The following CCDC7 variants were observed in gnomAD, a reference collection of about 807,000 sequenced individuals.
The protein encoded by CCDC7 is coiled-coil domain containing 7.
CCDC7 carries 183 observed loss-of-function variants against 196.9 expected under a neutral mutation model. The observed-to-expected ratio is 0.93, with a 90% CI of 0.82 to 1.05. CCDC7 has a LOEUF of 1.05. CCDC7 is among the 50% of genes least tolerant of loss of function. The probability of loss-of-function intolerance (pLI) is 0.00; values close to 1 mark genes in which losing one functional copy is unlikely to be tolerated. For synonymous variants in CCDC7, 525 were observed against 484.6 expected (o/e 1.08, Z -1.10); for missense variants, 1,540 against 1,482.2 (o/e 1.04, Z -0.64).
intron 9 of CCDC7, among the ~76,000 whole-genome samples, chr10:32,506,222 G>A (rs1312324452): frequency 6.7e-6 from 1 of 149,982 alleles, no homozygotes; most frequent in African/African-American, 2.5e-5. Context: ...CCCAGACGGG[G>A]TGGCCGGGCA....
At chr10:32,653,133 C>T (rs1564976431) in intron 20 of CCDC7, among the ~76,000 whole-genome samples, 2 of 152,182 alleles carry the variant, frequency 1.3e-5, no homozygotes, top group African/African-American at 4.8e-5. Context: ...TTACTTCCCC[C>T]TAACCTGTAA....
At chr10:32,817,572 A>C (rs904826481) in intron 31 of CCDC7, among the ~76,000 whole-genome samples, 1 of 152,238 alleles carries the variant, frequency 6.6e-6, no homozygotes, top group Admixed American at 6.5e-5. Flanking sequence ...AAAAAATGTT[A>C]AGGGCAGCCA....
At chr10:32,642,574 G>A (rs549892441) in intron 20 of CCDC7, among the ~76,000 whole-genome samples, 7 of 152,294 alleles carry the variant, frequency 4.6e-5, no homozygotes, top group Admixed American at 2.6e-4. Flanking sequence ...CTTTGACTAG[G>A]AAAAGGAATT....
At chr10:32,669,434 T>G (rs1490347562) in intron 21 of CCDC7, among the ~76,000 whole-genome samples, 1 of 152,142 alleles carries the variant, frequency 6.6e-6, no homozygotes, top group Non-Finnish European at 1.5e-5. Context: ...TCTTCTATTT[T>G]TTTGAAACAT....
intron 8 of CCDC7, among the ~76,000 whole-genome samples, chr10:32,486,488 C>G (rs1008604138): frequency 2.1e-4 from 31 of 147,296 alleles, no homozygotes; most frequent in African/African-American, 7.3e-4. Context: ...GAGCATTTAG[C>G]CCATTTACAT....
chr10:32,768,899 G>A (rs1379651921), intron 28 of CCDC7, among the ~76,000 whole-genome samples: 1 of 152,086 alleles, frequency 6.6e-6, no homozygotes, highest in Non-Finnish European at 1.5e-5. Context: ...TTTTTGATGT[G>A]CTATTGGATT....
intron 24 of CCDC7, among the ~76,000 whole-genome samples, chr10:32,710,226 A>C (rs987926076): frequency 6.6e-6 from 1 of 152,168 alleles, no homozygotes; most frequent in African/African-American, 2.4e-5. Flanking sequence ...ATGCCTCTAA[A>C]TTCTCCTAGA....
rs1306072473 is a variant in CCDC7 at position 32,451,926 on chromosome 10, G to T, written c.279+5G>T. On this transcript the variant is annotated splice_donor_5th_base_variant and intron_variant, in intron 1 of 41. Transcript: ENST00000639629. ...ATTATCAAACATCTGAAGATGGTAA[G>T]AGGCTTGTTAGTTTCTGTGTTGCAG... 2.5e-6 allele frequency: 4 copies of T among 1,607,358 alleles called. No individual in the cohort carries two copies. Among genetic ancestry groups the T allele is most frequent in the South Asian group, 1.1e-5 (1 of 89,846 alleles).
chr10:32,558,950 G>A (rs1200620339), intron 13 of CCDC7, among the ~76,000 whole-genome samples: 2 of 152,214 alleles, frequency 1.3e-5, no homozygotes, highest in African/African-American at 4.8e-5. Flanking sequence ...CTGGAAATCA[G>A]GTCACTCCCG....
chr10:32,784,405 G>T (rs1424950335), intron 29 of CCDC7, among the ~76,000 whole-genome samples: 5 of 152,028 alleles, frequency 3.3e-5, no homozygotes, highest in Non-Finnish European at 5.9e-5. Context: ...AGACCCCAGT[G>T]TGTGTTGTTC....
intron 24 of CCDC7, among the ~76,000 whole-genome samples, chr10:32,697,806 G>A (rs568237442): frequency 6.6e-6 from 1 of 152,300 alleles, no homozygotes; most frequent in South Asian, 2.1e-4. Flanking sequence ...CTGTCTGACA[G>A]CTTTGAAGAC....
intron 41 of CCDC7, among the ~76,000 whole-genome samples, chr10:32,871,231 G>T (rs1248330609): frequency 6.6e-6 from 1 of 152,008 alleles, no homozygotes; most frequent in Non-Finnish European, 1.5e-5. Context: ...ATCGGGTCCT[G>T]GACTTTTTTT....
chr10:32,683,289 G>T (rs561340682), intron 21 of CCDC7, among the ~76,000 whole-genome samples: 12 of 152,278 alleles, frequency 7.9e-5, no homozygotes, highest in African/African-American at 1.2e-4. Flanking sequence ...CTTTGTCGAA[G>T]ATCAGATGGT....
intron 25 of CCDC7, chr10:32,725,225 T>C (rs895093953): frequency 2.1e-5 from 9 of 418,790 alleles, no homozygotes; most frequent in Non-Finnish European, 3.8e-5. Context: ...GAATCCTTTC[T>C]CTCGAAGCAC....
At chr10:32,704,829 C>G (rs1021421875) in intron 24 of CCDC7, among the ~76,000 whole-genome samples, 4 of 152,170 alleles carry the variant, frequency 2.6e-5, no homozygotes, top group African/African-American at 9.6e-5. Flanking sequence ...GGGATATATT[C>G]TCCTGGTGTG....
At position 32,494,386 on chromosome 10, in the gene CCDC7, G is replaced by GTT. The variant is rs34832140; in HGVS notation, c.872+2399_872+2400dup. Among the ~76,000 whole-genome samples, 555 of 147,004 alleles carry GTT rather than the reference G, an allele frequency of 3.8e-3. 3 individuals carry two copies. The highest frequency in any genetic ancestry group is 0.011 in the Middle Eastern group (3 of 280). ...CTATTCTGTTCCATTGGCTATGTCT[G>GTT]TTTTTTTTTTTCCTTTTTCTAAATT... On this transcript the variant is annotated intron_variant, in intron 9 of 41. Transcript: ENST00000639629.
At chr10:32,808,797 T>C (rs1577582) in intron 30 of CCDC7, among the ~76,000 whole-genome samples, 140,400 of 151,978 alleles carry the variant, frequency 0.92, 65,833 homozygotes, top group East Asian at 1. Flanking sequence ...GAAGAAATGA[T>C]GGACATCACT....
chr10:32,446,166 G>T (rs915646225), exon 1 of CCDC7: 9 of 152,148 alleles, frequency 5.9e-5, no homozygotes, highest in South Asian at 4.1e-4. Flanking sequence ...GCCGGCGGCG[G>T]GTGCCCGGCG....
intron 24 of CCDC7, among the ~76,000 whole-genome samples, chr10:32,702,717 A>G (rs896185576): frequency 2.0e-5 from 3 of 152,184 alleles, no homozygotes; most frequent in African/African-American, 7.2e-5. Flanking sequence ...TATTGGGTGC[A>G]TACATATTTA....
Sources: allele counts gnomAD v4.1 joint callset (sites outside exome capture counted in the v4.1 genomes callset), GRCh38; gene constraint gnomAD v4.1.1; transcripts MANE v1.5; gene names NCBI Gene and HGNC (gene_info 2026-07-23, HGNC 2026-07-21).